Variants in PSMC2 observed in about 807,000 individuals in gnomAD.
PSMC2 encodes the protein proteasome 26S subunit, ATPase 2.
A neutral mutation model predicts 53.3 loss-of-function variants in PSMC2; 7 were observed. The ratio of observed to expected loss-of-function variants is 0.13; its 90% CI spans 0.07 to 0.25. PSMC2 has a LOEUF of 0.25. Among genes scored for constraint, PSMC2 ranks in the 10% least tolerant of loss-of-function variants. The probability of loss-of-function intolerance (pLI) is 1.00; values close to 1 mark genes in which losing one functional copy is unlikely to be tolerated. For synonymous variants in PSMC2, 169 were observed against 183.9 expected, an observed-to-expected ratio of 0.92 and a Z score of 0.66; for missense variants, 241 against 544.0, an observed-to-expected ratio of 0.44 and a Z score of 5.54.
At chr7:103,355,267 C>T (rs958737358) in intron 3 of PSMC2, among the ~76,000 whole-genome samples, 3 of 152,166 alleles carry the variant, frequency 2.0e-5, no homozygotes, top group Non-Finnish European at 4.4e-5. Flanking sequence ...GATCTCACAA[C>T]ATAGTTTTGC....
In PSMC2 at chr7:103,362,108, T is replaced by C. The variant is rs763448900; in HGVS notation, c.422+20T>C. ...AGTGGGGTAAGATTTCTATTTACAATAAATACTTTTCTTTCACTAAGGATA... is the reference window on the plus strand; with the variant it reads ...AGTGGGGTAAGATTTCTATTTACAACAAATACTTTTCTTTCACTAAGGATA... On this transcript the variant is annotated intron_variant, in intron 5 of 11. Coordinates refer to ENST00000292644, the MANE Select transcript of PSMC2 (RefSeq NM_002803.4). The C allele has an allele frequency of 6.8e-6, 11 of 1,611,286 alleles. No individual in the cohort carries two copies. Among genetic ancestry groups the C allele is most frequent in the South Asian group, 2.2e-5 (2 of 90,654 alleles).
chr7:103,362,794 C>CA, intron 6 of PSMC2, 36 bp downstream of exon 6: 10 of 839,774 alleles, frequency 1.2e-5, no homozygotes, highest in African/African-American at 2.0e-5. Context: ...AAGGCTATGT[C>CA]TTTTTTTTTT....
At chr7:103,351,606 G>T (rs949152773) in intron 1 of PSMC2, among the ~76,000 whole-genome samples, 1 of 152,168 alleles carries the variant, frequency 6.6e-6, no homozygotes, top group Admixed American at 6.5e-5. Context: ...ACCTTTTTCA[G>T]TTCTGGGAAT....
chr7:103,353,672 G>A (rs918489456), intron 1 of PSMC2, among the ~76,000 whole-genome samples: 4 of 152,152 alleles, frequency 2.6e-5, no homozygotes, highest in Non-Finnish European at 5.9e-5. Flanking sequence ...TGTGTTTTAT[G>A]TATGTACTAT....
At chr7:103,360,803 A>G (rs1174612426) in intron 4 of PSMC2, among the ~76,000 whole-genome samples, 1 of 152,232 alleles carries the variant, frequency 6.6e-6, no homozygotes, top group East Asian at 1.9e-4. Flanking sequence ...GGAAATGAAT[A>G]TAATTAAGTT....
chr7:103,367,804 G>T lies in PSMC2; in HGVS notation c.1139G>T (p.Ser380Ile). ...CTGTTAGCACGACTGTGTCCAAATAGCACTGGTAAGTAGAAAGTTCTTGCT... is the reference window on the plus strand; with the variant it reads ...CTGTTAGCACGACTGTGTCCAAATATCACTGGTAAGTAGAAAGTTCTTGCT... ...FELLARLCPN[S>I]TGAEIRSVCT... The change falls in exon 11 of 12, where the codon AGC becomes ATC. Residue 380 changes from serine (S) to isoleucine (I), a missense_variant. Around this residue, in one of 6 missense-constraint regions of PSMC2, gnomAD observed 60 missense variants for 115.8 expected, o/e 0.52. Transcript: ENST00000292644. The surrounding 1 kb of genome is among the most constrained non-coding windows in gnomAD (Gnocchi z 6.1). 6.2e-7 allele frequency: 1 copy of T among 1,613,228 alleles called. No individual in the cohort carries two copies. The highest frequency in any genetic ancestry group is 8.5e-7 in the Non-Finnish European group (1 of 1,179,402).
intron 8 of PSMC2, among the ~76,000 whole-genome samples, chr7:103,364,822 A>G (rs1416651001): frequency 6.6e-6 from 1 of 152,042 alleles, no homozygotes; most frequent in East Asian, 1.9e-4. Flanking sequence ...CAAAAGGGTG[A>G]CATTTTCTAC....
chr7:103,348,616 C>G, intron 1 of PSMC2: 1 of 1,156,242 alleles, frequency 8.6e-7, no homozygotes, highest in Non-Finnish European at 1.3e-6. Flanking sequence ...TCACCAGAAG[C>G]TATGCTGGAG....
intron 1 of PSMC2, among the ~76,000 whole-genome samples, chr7:103,353,465 C>G (rs1488617092): frequency 6.6e-6 from 1 of 152,136 alleles, no homozygotes; most frequent in Non-Finnish European, 1.5e-5. Flanking sequence ...CGCCACCATG[C>G]CAGGCCAATT....
intron 4 of PSMC2, among the ~76,000 whole-genome samples, chr7:103,357,108 T>G (rs1586148974): frequency 6.6e-6 from 1 of 152,166 alleles, no homozygotes; most frequent in Admixed American, 6.5e-5. Flanking sequence ...GGCAGATGAC[T>G]TGAGGTCAGG....
chr7:103,354,818 T>C, intron 2 of PSMC2, 50 bp from the exon 3 acceptor site: 1 of 1,192,930 alleles, frequency 8.4e-7, no homozygotes. Flanking sequence ...GTAGTTTTAA[T>C]AAATGGTTGA....
rs1820827899 is a variant in PSMC2, at chr7:103,368,285, C to CA, written c.*234dup. ...ACCCGTTTAAGGATTTCACATCATA[C>CA]AAAGCGCTTGCTTAGATGGCTTCTA... On this transcript the variant is annotated 3_prime_UTR_variant, in exon 12 of 12. Transcript: ENST00000292644. 1.2e-5 allele frequency: 5 copies of CA among 429,840 alleles called. No homozygotes were observed. In the East Asian group the frequency reaches 2.0e-4, roughly 18 times the overall value. The allele number at this position is 429,840 out of a possible 1,614,324, so 26.6% of individuals were successfully genotyped here. A position where few individuals can be genotyped will look rare whatever the true frequency, so the allele number is the denominator to read the frequency against.
In PSMC2 at chr7:103,368,166, C is replaced by A; in HGVS notation, c.*112C>A. ...GGCTTCAAAATTGTATGCTTTTTTC[C>A]ATATCTCTTCTTGTAATATAATAAA... On this transcript the variant is annotated 3_prime_UTR_variant, in exon 12 of 12. Coordinates refer to ENST00000292644, the MANE Select transcript of PSMC2 (RefSeq NM_002803.4). 2 of 910,220 alleles carry A rather than the reference C, an allele frequency of 2.2e-6. No individual in the cohort carries two copies. The highest frequency in any genetic ancestry group is 2.7e-5 in the East Asian group (1 of 37,362). 56.4% of individuals were successfully genotyped at this position (910,220 alleles called of 1,614,324 possible). A position where few individuals can be genotyped will look rare whatever the true frequency, so the allele number is the denominator to read the frequency against.
chr7:103,352,398 G>A (rs1189034065), intron 1 of PSMC2, among the ~76,000 whole-genome samples: 1 of 146,504 alleles, frequency 6.8e-6, no homozygotes, highest in Admixed American at 6.8e-5. Context: ...ATCTCACATA[G>A]ATTATAATCT....
chr7:103,366,525 T>C (rs1165110480), intron 9 of PSMC2, among the ~76,000 whole-genome samples: 1 of 152,206 alleles, frequency 6.6e-6, no homozygotes, highest in Admixed American at 6.5e-5. Flanking sequence ...AGTGCTCCAA[T>C]GAGTATTGCT....
chr7:103,348,911 G>A (rs73175848), intron 1 of PSMC2: 11,887 of 460,614 alleles, frequency 0.026, 203 homozygotes, highest in Non-Finnish European at 0.032. Flanking sequence ...ACAAATTGTA[G>A]GATAAATTCT....
chr7:103,365,971 G>C, intron 8 of PSMC2, 105 bp from the exon 9 acceptor site: 1 of 881,196 alleles, frequency 1.1e-6, no homozygotes, highest in Non-Finnish European at 1.8e-6. Context: ...TAATGGGTGA[G>C]AATACTGTTA....
At position 103,354,807 on chromosome 7, in the gene PSMC2, T is replaced by G. The variant is rs543436191; in HGVS notation, c.109-61T>G. ...TTGTAACTTAAAAATAATTTTTACC[T>G]GTAGTTTTAATAAATGGTTGATATC... On this transcript the variant is annotated intron_variant, in intron 2 of 11. Transcript: ENST00000292644. 4 of 1,066,966 alleles carry G rather than the reference T, an allele frequency of 3.7e-6. No individual in the cohort carries two copies. In the Admixed American group the frequency reaches 8.2e-5, roughly 22 times the overall value. The allele number at this position is 1,066,966 out of a possible 1,614,324, so 66.1% of individuals were successfully genotyped here. A position where few individuals can be genotyped will look rare whatever the true frequency, so the allele number is the denominator to read the frequency against.
intron 1 of PSMC2, 121 bp downstream of exon 1, chr7:103,347,902 T>C (rs1467666784): frequency 9.4e-7 from 1 of 1,068,034 alleles, no homozygotes; most frequent in East Asian, 2.5e-5. Flanking sequence ...GTGCCCCTAG[T>C]AATTTAGTCT....
Sources: gnomAD v4.1 joint callset for allele counts (sites outside exome capture counted in the v4.1 genomes callset) on GRCh38, gnomAD v4.1.1 for gene constraint, gnomAD v4.1.1 regional missense constraint, Gnocchi (gnomAD v3.1) non-coding constraint, MANE v1.5 for transcripts, NCBI Gene and HGNC (gene_info 2026-07-23, HGNC 2026-07-21) for gene names.